The following PIGS variants were observed in gnomAD, a reference collection of about 807,000 sequenced individuals.
The protein encoded by PIGS is GPI-anchor transamidase component PIGS.
Under a neutral mutation model 58.2 loss-of-function variants are expected in PIGS, and 37 were observed. That is an observed-to-expected ratio of 0.64 (90% CI 0.49 to 0.84). The LOEUF is 0.84. Among genes scored for constraint, PIGS ranks in the 40% least tolerant of loss-of-function variants. The pLI is 0.00. For synonymous variants in PIGS, 269 were observed against 289.2 expected, an observed-to-expected ratio of 0.93 and a Z score of 0.71; for missense variants, 629 against 710.8, an observed-to-expected ratio of 0.88 and a Z score of 1.31.
rs2151515218 is a variant in PIGS, at chr17:28,571,154, G to A, written c.69C>T (p.Phe23=). ...VARGKRAALF[F]AAVAIVLGLP... Reference sequence around the variant, plus strand: ...GCCCCAGCACGATGGCCACCGCAGCGAAGAAGAGGGCGGCGCGCTTGCCCC... The same window carrying A: ...GCCCCAGCACGATGGCCACCGCAGCAAAGAAGAGGGCGGCGCGCTTGCCCC... The change falls in exon 2 of 12, where the codon TTC becomes TTT. Residue 23 remains phenylalanine, a synonymous_variant. Transcript: ENST00000308360. 1 of 1,613,610 alleles carries A rather than the reference G, an allele frequency of 6.2e-7. No individual in the cohort carries two copies.
At chr17:28,560,756 C>T (rs1156409144) in intron 6 of PIGS, among the ~76,000 whole-genome samples, 4 of 151,638 alleles carry the variant, frequency 2.6e-5, no homozygotes, top group South Asian at 2.1e-4. Flanking sequence ...CCAGCCTGGA[C>T]GACAGGAGGC....
At chr17:28,555,133 A>C (rs1284829549) in intron 10 of PIGS, 72 bp from the exon 11 acceptor site, 2 of 1,360,166 alleles carry the variant, frequency 1.5e-6, no homozygotes, top group African/African-American at 1.4e-5. Context: ...AGATTTCTCA[A>C]ATATCTGTCC....
chr17:28,566,593 CTTT>C (rs959977540), intron 3 of PIGS, among the ~76,000 whole-genome samples: 3 of 131,370 alleles, frequency 2.3e-5, no homozygotes. Context: ...GCCCAGCCTA[CTTT>C]TTTTTTTTTT....
At chr17:28,560,742 C>T (rs546162593) in intron 6 of PIGS, among the ~76,000 whole-genome samples, 2 of 152,090 alleles carry the variant, frequency 1.3e-5, no homozygotes, top group East Asian at 3.9e-4. Flanking sequence ...CACGTCACTG[C>T]ACTCCAGCCT....
intron 3 of PIGS, among the ~76,000 whole-genome samples, chr17:28,568,775 G>A (rs2070408389): frequency 6.6e-6 from 1 of 152,202 alleles, no homozygotes; most frequent in Admixed American, 6.5e-5. Context: ...ACTAACTTGT[G>A]AGGGATAGTC....
chr17:28,559,699 C>CAAA (rs761803589), intron 7 of PIGS, among the ~76,000 whole-genome samples: 45 of 45,150 alleles, frequency 1.0e-3, no homozygotes, highest in Non-Finnish European at 1.2e-3. Context: ...GACTCTGTCT[C>CAAA]AAAAAAAAAA....
intron 7 of PIGS, among the ~76,000 whole-genome samples, chr17:28,559,636 G>C (rs563842323): frequency 1.3e-5 from 2 of 150,822 alleles, no homozygotes; most frequent in South Asian, 4.2e-4. Flanking sequence ...GGGAGGCGGA[G>C]GTTGCAGTGA....
chr17:28,570,807 A>C, intron 3 of PIGS, 45 bp downstream of exon 3: 1 of 1,587,042 alleles, frequency 6.3e-7, no homozygotes, highest in Non-Finnish European at 8.7e-7. Flanking sequence ...TCAGCTCTGA[A>C]CTGAGCTCAG....
At chr17:28,567,624 A>T (rs562150756) in intron 3 of PIGS, among the ~76,000 whole-genome samples, 101 of 152,344 alleles carry the variant, frequency 6.6e-4, no homozygotes, top group African/African-American at 2.4e-3. Flanking sequence ...CTGCTAACTT[A>T]GTTAGGTGTG....
intron 5 of PIGS, among the ~76,000 whole-genome samples, chr17:28,562,676 C>T (rs1050158773): frequency 2.6e-5 from 4 of 151,560 alleles, no homozygotes; most frequent in Non-Finnish European, 4.4e-5. Flanking sequence ...TCAAGTGATC[C>T]GCCTGCCTCG....
Position 28,563,828 on chromosome 17 carries a change from G to C in PIGS, c.366C>G (p.Gly122=), listed in dbSNP as rs1403251495. The change falls in exon 4 of 12, where the codon GGC becomes GGG. Residue 122 remains glycine (G), a synonymous_variant. Coordinates refer to ENST00000308360, the MANE Select transcript of PIGS (RefSeq NM_033198.4). Reference sequence around the variant, plus strand: ...CATCCCTTCCCATACCTTGCACACTGCCCGATGACAGGGCCTCCTCCTCAT... The same window carrying C: ...CATCCCTTCCCATACCTTGCACACTCCCCGATGACAGGGCCTCCTCCTCAT... ...LDHEEEALSS[G]SVQEAEAMLD... is the part of the protein sequence containing the mutation. 7.4e-6 allele frequency: 12 copies of C among 1,613,434 alleles called. No homozygotes were observed. Among genetic ancestry groups the C allele is most frequent in the Non-Finnish European group, 1.0e-5 (12 of 1,179,474 alleles).
chr17:28,561,324 C>T, intron 6 of PIGS, 98 bp downstream of exon 6: 1 of 976,978 alleles, frequency 1.0e-6, no homozygotes, highest in Non-Finnish European at 1.4e-6. Context: ...AAAATTGAGA[C>T]TAGAGAAGAA....
intron 3 of PIGS, 91 bp from the exon 4 acceptor site, chr17:28,563,998 C>A: frequency 3.7e-6 from 4 of 1,089,452 alleles, no homozygotes; most frequent in Non-Finnish European, 5.5e-6. Flanking sequence ...CATCTGAGGA[C>A]AGCAAGATGG....
At chr17:28,554,713 T>G in intron 11 of PIGS, 138 bp downstream of exon 11, 2 of 1,284,714 alleles carry the variant, frequency 1.6e-6, no homozygotes, top group African/African-American at 1.5e-5. Flanking sequence ...GGTACTGCCG[T>G]CTAGAGGAAG....
chr17:28,561,246 G>T (rs575464231), intron 6 of PIGS, among the ~76,000 whole-genome samples, 176 bp downstream of exon 6: 1 of 151,948 alleles, frequency 6.6e-6, no homozygotes, highest in African/African-American at 2.4e-5. Context: ...AACAGAGTGA[G>T]ACTCCGTCTC....
At chr17:28,560,355 A>G in intron 6 of PIGS, 164 bp from the exon 7 acceptor site, 1 of 814,554 alleles carries the variant, frequency 1.2e-6, no homozygotes, top group South Asian at 1.9e-5. Context: ...ACTGAGTAAG[A>G]AAAAGCTGCC....
intron 4 of PIGS, 139 bp downstream of exon 4, chr17:28,563,679 G>A: frequency 3.3e-6 from 4 of 1,213,644 alleles, no homozygotes; most frequent in Non-Finnish European, 4.8e-6. Context: ...AGTGGACTGG[G>A]CTGAATCCCA....
chr17:28,554,039 T>C lies in PIGS; in HGVS notation c.*181A>G. The stretch of plus-strand genomic sequence containing the variant: ...GTGGAGGAGGATTGAGCCAGGTGAA[T>C]GGGAAAGGAAGAAAAGATGAACCCA... On this transcript the variant is annotated 3_prime_UTR_variant, in exon 12 of 12. Transcript: ENST00000308360. 1.3e-6 allele frequency: 1 copy of C among 748,534 alleles called. No individual in the cohort carries two copies. Among genetic ancestry groups the C allele is most frequent in the Non-Finnish European group, 2.1e-6 (1 of 473,474 alleles). 46.4% of individuals were successfully genotyped at this position (748,534 alleles called of 1,614,324 possible).
At chr17:28,570,987 G>A (rs769679289) in intron 2 of PIGS, 24 bp from the exon 3 acceptor site, 3 of 1,614,208 alleles carry the variant, frequency 1.9e-6, no homozygotes, top group South Asian at 2.2e-5. Flanking sequence ...CATCAGGGCC[G>A]TCACTGAGTC....
Sources: allele counts gnomAD v4.1 joint callset (sites outside exome capture counted in the v4.1 genomes callset), GRCh38; gene constraint gnomAD v4.1.1; transcripts MANE v1.5; gene names NCBI Gene and HGNC (gene_info 2026-07-23, HGNC 2026-07-21).